Variants in ADAM32 observed in about 807,000 individuals in gnomAD.
ADAM32 encodes disintegrin and metalloproteinase domain-containing protein 32.
Under a neutral mutation model 114.9 loss-of-function variants are expected in ADAM32, and 89 were observed. The ratio of observed to expected loss-of-function variants is 0.77; its 90% CI spans 0.65 to 0.92. ADAM32 has a LOEUF of 0.92. ADAM32 is among the 40% of genes least tolerant of loss of function. ADAM32 has a pLI of 0.00. For missense variants in ADAM32, 870 were observed against 932.8 expected (o/e 0.93, Z 0.88); for synonymous variants, 285 against 307.5 (o/e 0.93, Z 0.77).
At position 39,201,509 on chromosome 8, in the gene ADAM32, C is replaced by T. The variant is rs183526596; in HGVS notation, c.1053-9635C>T. On this transcript the variant is annotated intron_variant, in intron 11 of 24. Transcript: ENST00000379907. ...TGAGACTTTGCTGAAGTTGCTTATC[C>T]GCTTAAGGAGATTTTGGGCTGAGAC... 7.9e-5 allele frequency among the ~76,000 whole-genome samples: 12 copies of T among 152,098 alleles called. No individual in the cohort carries two copies. The East Asian group carries it at 9.7e-4, about 12-fold the overall frequency.
intron 10 of ADAM32, among the ~76,000 whole-genome samples, chr8:39,186,165 T>A (rs746102405): frequency 3.9e-5 from 6 of 152,222 alleles, no homozygotes; most frequent in African/African-American, 1.2e-4. Context: ...GTGCATCCTT[T>A]AGGGCTGTTA....
At chr8:39,284,378 T>TACACACACACACACACACACACACACAC (rs367964426) in intron 24 of ADAM32, among the ~76,000 whole-genome samples, 1 of 142,034 alleles carries the variant, frequency 7.0e-6, no homozygotes, top group Admixed American at 7.0e-5. Context: ...CACACACACG[T>TACACACACACACACACACACACACACAC]ACACACACAC....
At chr8:39,235,665 A>C (rs1268720960) in intron 16 of ADAM32, among the ~76,000 whole-genome samples, 1 of 152,154 alleles carries the variant, frequency 6.6e-6, no homozygotes, top group African/African-American at 2.4e-5. Context: ...TGATAGTATA[A>C]ATTATATATG....
chr8:39,213,187 T>C (rs1808344515), intron 12 of ADAM32, among the ~76,000 whole-genome samples: 1 of 152,154 alleles, frequency 6.6e-6, no homozygotes, highest in Non-Finnish European at 1.5e-5. Context: ...AAATTTACTT[T>C]TTAAGCAATT....
rs768110785 is a variant in ADAM32, at chr8:39,187,021, C to T, written c.1028C>T (p.Thr343Ile). 3.1e-6 allele frequency: 5 copies of T among 1,610,720 alleles called. No homozygotes were observed. Among genetic ancestry groups the T allele is most frequent in the Non-Finnish European group, 3.4e-6 (4 of 1,178,664 alleles). Reference sequence around the variant, plus strand: ...AAGAAATGTCAATGTTCAGAATCCACCTGTATAATGAATCCAGAAGTTGTG... The same window carrying T: ...AAGAAATGTCAATGTTCAGAATCCATCTGTATAATGAATCCAGAAGTTGTG... The part of the protein sequence containing the change: ...DPKKCQCSES[T>I]CIMNPEVVQS... The change falls in exon 11 of 25, where the codon ACC becomes ATC. Residue 343 changes from threonine to isoleucine, a missense_variant. Coordinates refer to ENST00000379907, the MANE Select transcript of ADAM32 (RefSeq NM_145004.7).
At chr8:39,242,627 A>G (rs968362552) in intron 16 of ADAM32, among the ~76,000 whole-genome samples, 1 of 152,166 alleles carries the variant, frequency 6.6e-6, no homozygotes, top group Non-Finnish European at 1.5e-5. Context: ...ACCTGCCTCC[A>G]TGATTCAATT....
At chr8:39,216,906 A>ATAAAGTGTTATAATAT in intron 12 of ADAM32, among the ~76,000 whole-genome samples, 1 of 151,882 alleles carries the variant, frequency 6.6e-6, no homozygotes, top group Non-Finnish European at 1.5e-5. Context: ...TGTTATAATA[A>ATAAAGTGTTATAATAT]TAAAGTGTTT....
At chr8:39,267,709 G>T (rs1315601318) in intron 19 of ADAM32, among the ~76,000 whole-genome samples, 1 of 152,204 alleles carries the variant, frequency 6.6e-6, no homozygotes, top group Non-Finnish European at 1.5e-5. Context: ...TTCTAACACA[G>T]CTTGTCCCTG....
intron 2 of ADAM32, among the ~76,000 whole-genome samples, chr8:39,123,955 C>T (rs530616610): frequency 3.3e-5 from 5 of 151,808 alleles, no homozygotes; most frequent in Admixed American, 6.6e-5. Flanking sequence ...GATCCACCTC[C>T]GTCAGCCTCT....
At chr8:39,142,814 A>C (rs1170475133) in intron 3 of ADAM32, among the ~76,000 whole-genome samples, 1 of 152,086 alleles carries the variant, frequency 6.6e-6, no homozygotes, top group African/African-American at 2.4e-5. Context: ...TCTTGGTTCC[A>C]TTCTCCCTGT....
intron 2 of ADAM32, among the ~76,000 whole-genome samples, chr8:39,128,230 T>A (rs1802233728): frequency 6.6e-6 from 1 of 152,238 alleles, no homozygotes; most frequent in African/African-American, 2.4e-5. Flanking sequence ...ATGTTTAGGA[T>A]AATTAGCTCT....
intron 14 of ADAM32, among the ~76,000 whole-genome samples, chr8:39,226,742 CTCAA>C (rs1424156570): frequency 2.0e-5 from 3 of 152,106 alleles, no homozygotes; most frequent in African/African-American, 2.4e-5. Context: ...TTCATTGCCA[CTCAA>C]TCTATCTTAC....
chr8:39,278,652 TTAC>T (rs1313230291), intron 22 of ADAM32, among the ~76,000 whole-genome samples: 31 of 151,350 alleles, frequency 2.0e-4, no homozygotes, highest in African/African-American at 7.3e-4. Flanking sequence ...ATTATTATTA[TTAC>T]TATTATTATA....
intron 11 of ADAM32, among the ~76,000 whole-genome samples, chr8:39,205,575 G>A (rs1807772020): frequency 6.6e-6 from 1 of 152,246 alleles, no homozygotes; most frequent in Admixed American, 6.5e-5. Flanking sequence ...CTTCCTAGGT[G>A]AGGTGGTACC....
At chr8:39,142,936 T>C (rs1243983314) in intron 3 of ADAM32, among the ~76,000 whole-genome samples, 1 of 152,200 alleles carries the variant, frequency 6.6e-6, no homozygotes, top group East Asian at 1.9e-4. Context: ...TCTTGTCTTC[T>C]CACTTTATTT....
At chr8:39,218,522 C>A (rs998968312) in intron 12 of ADAM32, among the ~76,000 whole-genome samples, 2 of 152,152 alleles carry the variant, frequency 1.3e-5, no homozygotes. Flanking sequence ...GAGTCAGAAA[C>A]CTTAGAAATA....
chr8:39,214,047 A>G (rs1374812714), intron 12 of ADAM32, among the ~76,000 whole-genome samples: 1 of 152,124 alleles, frequency 6.6e-6, no homozygotes, highest in Non-Finnish European at 1.5e-5. Context: ...ATAGTACTCC[A>G]TTGTGTATAT....
chr8:39,141,819 G>A (rs1803173321), intron 3 of ADAM32, among the ~76,000 whole-genome samples: 1 of 152,126 alleles, frequency 6.6e-6, no homozygotes, highest in Non-Finnish European at 1.5e-5. Flanking sequence ...TATTGTGTGG[G>A]AGTCTAAGTC....
chr8:39,163,461 G>A (rs895495408), intron 7 of ADAM32, among the ~76,000 whole-genome samples: 2 of 8,946 alleles, frequency 2.2e-4, no homozygotes, highest in East Asian at 8.5e-3. Flanking sequence ...GGGAAAATTG[G>A]GGAAGGAGGA....
Sources: allele counts gnomAD v4.1 joint callset (sites outside exome capture counted in the v4.1 genomes callset), GRCh38; gene constraint gnomAD v4.1.1; transcripts MANE v1.5; gene names NCBI Gene and HGNC (gene_info 2026-07-23, HGNC 2026-07-21).